The following NACC2 variants were observed in gnomAD, a reference collection of about 807,000 sequenced individuals.
The protein encoded by NACC2 is nucleus accumbens-associated protein 2.
A neutral mutation model predicts 25.1 loss-of-function variants in NACC2; 8 were observed. The ratio of observed to expected loss-of-function variants is 0.32; its 90% confidence interval spans 0.19 to 0.57. The LOEUF (loss-of-function observed/expected upper bound fraction) is 0.57. Among genes scored for constraint, NACC2 ranks in the 20% least tolerant of loss-of-function variants. The pLI is 0.89. For synonymous variants in NACC2, 435 were observed against 294.7 expected, an observed-to-expected ratio of 1.48 and a Z score of -4.88; for missense variants, 644 against 650.2, an observed-to-expected ratio of 0.99 and a Z score of 0.10.
chr9:136,045,542 C>T (rs893914293), intron 2 of NACC2, among the ~76,000 whole-genome samples: 3 of 152,160 alleles, frequency 2.0e-5, no homozygotes, highest in East Asian at 1.9e-4. Flanking sequence ...AAGGGATGGC[C>T]GGGCGAGCCC....
intron 2 of NACC2, among the ~76,000 whole-genome samples, chr9:136,027,633 A>G (rs1242256510): frequency 1.4e-5 from 2 of 147,644 alleles, no homozygotes; most frequent in Non-Finnish European, 3.0e-5. Flanking sequence ...GGCAAAAGGG[A>G]AAAAAAAATC....
intron 5 of NACC2, among the ~76,000 whole-genome samples, chr9:136,012,666 T>C (rs900964785): frequency 6.6e-6 from 1 of 151,394 alleles, no homozygotes; most frequent in Admixed American, 6.6e-5. Flanking sequence ...TTTTTTTTTT[T>C]TTTTTTTCTT....
At chr9:136,040,192 A>G (rs1290161932) in intron 2 of NACC2, among the ~76,000 whole-genome samples, 2 of 152,048 alleles carry the variant, frequency 1.3e-5, no homozygotes, top group Admixed American at 1.3e-4. Flanking sequence ...AAAAATACAA[A>G]AAATTAGCCG....
chr9:136,025,625 A>G (rs895302082), intron 2 of NACC2, among the ~76,000 whole-genome samples: 1 of 152,100 alleles, frequency 6.6e-6, no homozygotes, highest in African/African-American at 2.4e-5. Flanking sequence ...AAAAAAAAAA[A>G]AAACGCAGCC....
intron 2 of NACC2, among the ~76,000 whole-genome samples, chr9:136,042,507 T>C (rs1840648875): frequency 6.6e-6 from 1 of 152,160 alleles, no homozygotes; most frequent in African/African-American, 2.4e-5. Flanking sequence ...CTGCAATGAC[T>C]GGACGTCCAC....
chr9:136,081,462 G>A (rs796716647), intron 1 of NACC2, among the ~76,000 whole-genome samples: 7 of 152,244 alleles, frequency 4.6e-5, no homozygotes, highest in Admixed American at 2.0e-4. Flanking sequence ...CTCTGAGCGC[G>A]GGGTGCCCAG....
intron 1 of NACC2, among the ~76,000 whole-genome samples, chr9:136,059,796 G>A (rs979057387): frequency 6.6e-6 from 1 of 152,176 alleles, no homozygotes; most frequent in African/African-American, 2.4e-5. Context: ...CCATGAGCAT[G>A]TCACCCGGCT....
intron 2 of NACC2, among the ~76,000 whole-genome samples, chr9:136,039,573 T>A (rs1212924680): frequency 1.3e-4 from 20 of 152,260 alleles, no homozygotes; most frequent in African/African-American, 4.3e-4. Context: ...CAAAATTCCT[T>A]GAGAAAATAT....
chr9:136,043,539 C>T (rs1419489045), intron 2 of NACC2, among the ~76,000 whole-genome samples: 3 of 152,218 alleles, frequency 2.0e-5, no homozygotes, highest in Non-Finnish European at 2.9e-5. Context: ...AGCCCCTTGG[C>T]CTCATGCGTT....
intron 2 of NACC2, among the ~76,000 whole-genome samples, chr9:136,046,344 C>CG (rs2131158909): frequency 6.6e-6 from 1 of 152,320 alleles, no homozygotes; most frequent in Non-Finnish European, 1.5e-5. Flanking sequence ...GTTTCCCTTC[C>CG]GGTGGATACG....
chr9:136,060,305 G>A (rs1333188535), intron 1 of NACC2, among the ~76,000 whole-genome samples: 3 of 152,264 alleles, frequency 2.0e-5, no homozygotes, highest in Admixed American at 2.0e-4. Flanking sequence ...GGGGAGGCCT[G>A]CACTTGGCTT....
intron 1 of NACC2, among the ~76,000 whole-genome samples, chr9:136,078,288 G>A (rs917379063): frequency 2.0e-5 from 3 of 152,110 alleles, no homozygotes; most frequent in East Asian, 1.9e-4. Context: ...GCCAGAAGAC[G>A]CCAGAATTCC....
intron 1 of NACC2, among the ~76,000 whole-genome samples, chr9:136,074,277 C>T (rs1402789366): frequency 1.3e-5 from 2 of 149,382 alleles, no homozygotes; most frequent in Non-Finnish European, 3.0e-5. Flanking sequence ...GGTGAAACCC[C>T]GTCTCTACTA....
In NACC2 at chr9:136,084,846, C is replaced by T. The variant is rs538219411; in HGVS notation, c.-60+10343G>A. The stretch of plus-strand genomic sequence containing the variant: ...ATGAGCCAGTCACACGAGGACACCC[C>T]CTGTGGGACTCCACTCACATGCAGT... On this transcript the variant is annotated intron_variant, in intron 1 of 5. Coordinates refer to ENST00000277554, the MANE Select transcript of NACC2 (RefSeq NM_144653.5). This position sits in a 1 kb window ranked among gnomAD's most constrained non-coding sequence, Gnocchi z 5.1. 6.6e-6 allele frequency among the ~76,000 whole-genome samples: 1 copy of T among 152,202 alleles called. No homozygotes were observed. The highest frequency in any genetic ancestry group is 1.5e-5 in the Non-Finnish European group (1 of 68,034).
chr9:136,087,946 G>C (rs1249998117), intron 1 of NACC2, among the ~76,000 whole-genome samples: 3 of 139,362 alleles, frequency 2.2e-5, no homozygotes, highest in Non-Finnish European at 5.0e-5. Context: ...CGGGGACTCT[G>C]CTGGGAAGTT....
chr9:136,014,037 ATGGGTGAGGGGGAG>A, intron 3 of NACC2, 68 bp from the exon 4 acceptor site: 1 of 382,932 alleles, frequency 2.6e-6, no homozygotes, highest in Non-Finnish European at 4.7e-6. Context: ...AGGCGCACAG[ATGGGTGAGGGGGAG>A]GGGGGGAGGT....
At chr9:136,042,991 GAC>G (rs1840667153) in intron 2 of NACC2, among the ~76,000 whole-genome samples, 1 of 148,702 alleles carries the variant, frequency 6.7e-6, no homozygotes, top group East Asian at 2.0e-4. Flanking sequence ...CAGACACACA[GAC>G]ACAGTGTTGC....
In NACC2 at chr9:136,018,676, C is replaced by G. The variant is rs1840239658; in HGVS notation, c.887-2247G>C. Among the ~76,000 whole-genome samples, 1 of 152,028 alleles carries G rather than the reference C, an allele frequency of 6.6e-6. No homozygotes were observed. The highest frequency in any genetic ancestry group is 2.1e-4 in the South Asian group (1 of 4,810). Reference sequence around the variant, plus strand: ...CTCAAAGGTGGGTGCACAGCCCCTGCCCGGCCACTACAGGGGTCAGGCAGC... The same window carrying G: ...CTCAAAGGTGGGTGCACAGCCCCTGGCCGGCCACTACAGGGGTCAGGCAGC... On this transcript the variant is annotated intron_variant, in intron 2 of 5. Transcript: ENST00000277554. The surrounding 1 kb of genome is among the most constrained non-coding windows in gnomAD (Gnocchi z 4.4).
chr9:136,084,742 C>T lies in NACC2; in HGVS notation c.-60+10447G>A, dbSNP rs59205470. ...GGCGGCGGGCGCACACACACACATA[C>T]ATCACGCAGCCTGGAGAAGGGACGG... is the stretch of plus-strand genomic sequence containing the variant. On this transcript the variant is annotated intron_variant, in intron 1 of 5. Coordinates refer to ENST00000277554, the MANE Select transcript of NACC2 (RefSeq NM_144653.5). The surrounding 1 kb of genome is among the most constrained non-coding windows in gnomAD (Gnocchi z 5.1). Among the ~76,000 whole-genome samples, 4,895 of 152,304 alleles carry T rather than the reference C, an allele frequency of 0.032. 244 individuals carry two copies. The highest frequency in any genetic ancestry group is 0.11 in the African/African-American group (4,665 of 41,530).
Sources: gnomAD v4.1 joint callset for allele counts (sites outside exome capture counted in the v4.1 genomes callset) on GRCh38, gnomAD v4.1.1 for gene constraint, Gnocchi (gnomAD v3.1) non-coding constraint, MANE v1.5 for transcripts, NCBI Gene and HGNC (gene_info 2026-07-23, HGNC 2026-07-21) for gene names.